BMF: variants seen among roughly 807,000 people sequenced by gnomAD.
The protein encoded by BMF is Bcl2 modifying factor, also known as bcl-2-modifying factor.
Under a neutral mutation model 22.0 loss-of-function variants are expected in BMF, and 10 were observed. That is an observed-to-expected ratio of 0.45 (90% confidence interval 0.28 to 0.77). The LOEUF (loss-of-function observed/expected upper bound fraction) is 0.77. BMF is among the 30% of genes least tolerant of loss of function. The probability of loss-of-function intolerance (pLI) is 0.13; values close to 1 mark genes in which losing one functional copy is unlikely to be tolerated. For synonymous variants in BMF, 87 were observed against 88.1 expected, an observed-to-expected ratio of 0.99 and a Z score of 0.07; for missense variants, 206 against 226.8, an observed-to-expected ratio of 0.91 and a Z score of 0.59.
intron 2 of BMF, among the ~76,000 whole-genome samples, chr15:40,107,572 G>GTGTGTGTA (rs1555428568): frequency 1.4e-5 from 2 of 144,404 alleles, no homozygotes. Flanking sequence ...GTGTGTGTGT[G>GTGTGTGTA]TGTATGGGGA....
chr15:40,088,684 G>A lies in BMF; in HGVS notation c.*3103C>T, dbSNP rs2036177387. 1 of 152,400 alleles carries A rather than the reference G, an allele frequency of 6.6e-6. No homozygotes were observed. Among genetic ancestry groups the A allele is most frequent in the Admixed American group, 6.5e-5 (1 of 15,288 alleles). 9.4% of individuals were successfully genotyped at this position (152,400 alleles called of 1,614,324 possible). Reference sequence around the variant, plus strand: ...TGGGCTGCCAGGAGCAGTGAGACAGGTCAGCTGGGCCCCTCTGGGTCCTTC... The same window carrying A: ...TGGGCTGCCAGGAGCAGTGAGACAGATCAGCTGGGCCCCTCTGGGTCCTTC... On this transcript the variant is annotated 3_prime_UTR_variant, in exon 5 of 5. Transcript: ENST00000354670.
At chr15:40,101,883 G>A (rs868864977) in intron 4 of BMF, among the ~76,000 whole-genome samples, 16 of 152,196 alleles carry the variant, frequency 1.1e-4, no homozygotes, top group African/African-American at 3.9e-4. Context: ...CTTTGAGCTA[G>A]AAAAGGCTCA....
At chr15:40,099,451 G>T (rs552712451) in intron 4 of BMF, among the ~76,000 whole-genome samples, 1 of 152,106 alleles carries the variant, frequency 6.6e-6, no homozygotes, top group Non-Finnish European at 1.5e-5. Context: ...ACTCCTAAAG[G>T]CCCTTCACAT....
chr15:40,090,441 G>C lies in BMF; in HGVS notation c.*1346C>G, dbSNP rs2036210323. 1 of 152,662 alleles carries C rather than the reference G, an allele frequency of 6.6e-6. No homozygotes were observed. Among genetic ancestry groups the C allele is most frequent in the African/African-American group, 2.4e-5 (1 of 41,456 alleles). 9.5% of individuals were successfully genotyped at this position (152,662 alleles called of 1,614,324 possible). ...TCACATATGCAAAAGTTATAATTTAGTTTCTAGCGTCTGGTTAACAGATTC... is the reference window on the plus strand; with the variant it reads ...TCACATATGCAAAAGTTATAATTTACTTTCTAGCGTCTGGTTAACAGATTC... On this transcript the variant is annotated 3_prime_UTR_variant, in exon 5 of 5. Coordinates refer to ENST00000354670, the MANE Select transcript of BMF (RefSeq NM_001003940.2).
chr15:40,092,453 T>TCA (rs34626523), intron 4 of BMF, among the ~76,000 whole-genome samples: 30,462 of 148,612 alleles, frequency 0.2, 3,206 homozygotes, highest in East Asian at 0.4. Flanking sequence ...ACACACAGAC[T>TCA]CACACACACA....
At chr15:40,098,348 T>C (rs1015875188) in intron 4 of BMF, among the ~76,000 whole-genome samples, 1 of 152,224 alleles carries the variant, frequency 6.6e-6, no homozygotes, top group Non-Finnish European at 1.5e-5. Flanking sequence ...GAGGAACTAC[T>C]GAGACCCTTA....
chr15:40,094,538 C>A (rs1473708079), intron 4 of BMF, among the ~76,000 whole-genome samples: 1 of 152,176 alleles, frequency 6.6e-6, no homozygotes, highest in African/African-American at 2.4e-5. Flanking sequence ...TCAACCTGCT[C>A]ATGAGTTCTC....
chr15:40,106,517 A>AACAC lies in BMF; in HGVS notation c.-5-430_-5-427dup, dbSNP rs71658279. 6,968 of 135,974 alleles carry AACAC rather than the reference A, an allele frequency of 0.051. 283 individuals carry two copies. The highest frequency in any genetic ancestry group is 0.1 in the African/African-American group (3,836 of 36,860). 8.4% of individuals were successfully genotyped at this position (135,974 alleles called of 1,614,324 possible). The stretch of plus-strand genomic sequence containing the variant: ...GACTGGCTATACATACAGTGCTCAC[A>AACAC]ACACACACACACACACACACACACA... On this transcript the variant is annotated intron_variant, in intron 2 of 4. Coordinates refer to ENST00000354670, the MANE Select transcript of BMF (RefSeq NM_001003940.2). This position sits in a 1 kb window ranked among gnomAD's most constrained non-coding sequence, Gnocchi z 4.1.
At chr15:40,100,548 C>T (rs1258883775) in intron 4 of BMF, among the ~76,000 whole-genome samples, 5 of 152,244 alleles carry the variant, frequency 3.3e-5, no homozygotes, top group Admixed American at 3.3e-4. Context: ...AACTCTCTTG[C>T]TGCTTTGGAG....
chr15:40,095,533 A>G (rs1352720792), intron 4 of BMF, among the ~76,000 whole-genome samples: 2 of 152,180 alleles, frequency 1.3e-5, no homozygotes, highest in Non-Finnish European at 2.9e-5. Flanking sequence ...CCAGCGCACA[A>G]TCTGAGATCA....
At position 40,104,123 on chromosome 15, in the gene BMF, C is replaced by T. The variant is rs981529892; in HGVS notation, c.453+57G>A. 28 of 1,599,650 alleles carry T rather than the reference C, an allele frequency of 1.8e-5. No individual in the cohort carries two copies. The African/African-American group carries it at 3.3e-4, about 19-fold the overall frequency. On this transcript the variant is annotated intron_variant, in intron 4 of 4. Coordinates refer to ENST00000354670, the MANE Select transcript of BMF (RefSeq NM_001003940.2). ...TTGCTGACAAGAGGAGAGAGGCAGG[C>T]CCTGGCCCCCAAGCCCCAGCAGACT...
In BMF at chr15:40,106,353, C is replaced by T; in HGVS notation, c.-5-262G>A. 1 of 371,332 alleles carries T rather than the reference C, an allele frequency of 2.7e-6. No individual in the cohort carries two copies. The allele number at this position is 371,332 out of a possible 1,614,324, so 23.0% of individuals were successfully genotyped here. A position where few individuals can be genotyped will look rare whatever the true frequency, so the allele number is the denominator to read the frequency against. On this transcript the variant is annotated intron_variant, in intron 2 of 4. Transcript: ENST00000354670. This position sits in a 1 kb window ranked among gnomAD's most constrained non-coding sequence, Gnocchi z 4.1. ...CCACCCTTTTTCTTGATCACGTTTT[C>T]TGACCTAGGCCGGTCACAAAGTTTG...
intron 4 of BMF, among the ~76,000 whole-genome samples, chr15:40,098,836 G>A (rs548684687): frequency 6.6e-6 from 1 of 152,260 alleles, no homozygotes; most frequent in African/African-American, 2.4e-5. Flanking sequence ...GGAACTACAA[G>A]GCCCTTCTCC....
chr15:40,098,166 A>G (rs1352381864), intron 4 of BMF, among the ~76,000 whole-genome samples: 1 of 152,228 alleles, frequency 6.6e-6, no homozygotes, highest in African/African-American at 2.4e-5. Context: ...TAAGGAAAAA[A>G]GAGCAGTCCG....
chr15:40,100,851 C>T (rs2036461284), intron 4 of BMF, among the ~76,000 whole-genome samples: 1 of 152,144 alleles, frequency 6.6e-6, no homozygotes, highest in African/African-American at 2.4e-5. Context: ...GAAGGTCGTT[C>T]TGGTGCAAAA....
intron 3 of BMF, 120 bp from the exon 4 acceptor site, chr15:40,104,460 A>G (rs2036544028): frequency 1.5e-6 from 2 of 1,305,804 alleles, no homozygotes; most frequent in South Asian, 1.4e-5. Context: ...AAAGGATAGG[A>G]GCCAGCCTGC....
chr15:40,101,550 G>C (rs1203366022), intron 4 of BMF, among the ~76,000 whole-genome samples: 1 of 152,104 alleles, frequency 6.6e-6, no homozygotes, highest in Non-Finnish European at 1.5e-5. Flanking sequence ...AAGGGAATAG[G>C]GAAAGAAGAT....
chr15:40,097,600 C>G (rs2036392777), intron 4 of BMF, among the ~76,000 whole-genome samples: 1 of 152,200 alleles, frequency 6.6e-6, no homozygotes, highest in South Asian at 2.1e-4. Context: ...TACGGTGTGA[C>G]TTGGACATGT....
chr15:40,097,482 T>C (rs11858141), intron 4 of BMF, among the ~76,000 whole-genome samples: 48,413 of 152,154 alleles, frequency 0.32, 8,677 homozygotes, highest in Non-Finnish European at 0.42. Flanking sequence ...AATGTGTGCT[T>C]CCTTGTACCC....
Sources: allele counts gnomAD v4.1 joint callset (sites outside exome capture counted in the v4.1 genomes callset), GRCh38; gene constraint gnomAD v4.1.1; non-coding constraint Gnocchi (gnomAD v3.1); transcripts MANE v1.5; gene names NCBI Gene and HGNC (gene_info 2026-07-23, HGNC 2026-07-21).